NXPH1: variants seen among roughly 807,000 people sequenced by gnomAD.
The protein encoded by NXPH1 is neurexophilin-1.
NXPH1 carries 5 observed loss-of-function variants against 23.7 expected under a neutral mutation model. The ratio of observed to expected loss-of-function variants is 0.21; its 90% confidence interval spans 0.11 to 0.44. The LOEUF (loss-of-function observed/expected upper bound fraction) is 0.44, where lower values mean the gene tolerates loss of function less well. Ranked by LOEUF, NXPH1 falls within the 20% of genes least tolerant of loss-of-function variation. NXPH1 has a pLI of 0.99. For missense variants in NXPH1, 324 were observed against 321.6 expected (o/e 1.01, Z -0.06); for synonymous variants, 144 against 122.2 (o/e 1.18, Z -1.18).
At chr7:8,518,330 T>C (rs762895387) in intron 2 of NXPH1, among the ~76,000 whole-genome samples, 1 of 152,016 alleles carries the variant, frequency 6.6e-6, no homozygotes, top group Non-Finnish European at 1.5e-5. Flanking sequence ...CAAATAAGAG[T>C]AGCATAAATG....
intron 2 of NXPH1, among the ~76,000 whole-genome samples, chr7:8,478,838 A>G (rs1817024820): frequency 6.6e-6 from 1 of 151,612 alleles, no homozygotes; most frequent in Admixed American, 6.6e-5. Context: ...AAATGGAGTA[A>G]CATACTTAAG....
At chr7:8,488,188 C>G (rs1817190099) in intron 2 of NXPH1, among the ~76,000 whole-genome samples, 2 of 152,100 alleles carry the variant, frequency 1.3e-5, no homozygotes, top group African/African-American at 4.8e-5. Context: ...CAGTAGGTAA[C>G]TTTTCTTTTT....
At chr7:8,696,915 G>T (rs147088072) in intron 2 of NXPH1, among the ~76,000 whole-genome samples, 23 of 151,184 alleles carry the variant, frequency 1.5e-4, no homozygotes, top group African/African-American at 5.6e-4. Context: ...AGGCTGAGGT[G>T]GATGGATCAC....
chr7:8,498,516 C>A (rs1366881151), intron 2 of NXPH1, among the ~76,000 whole-genome samples: 4 of 152,054 alleles, frequency 2.6e-5, no homozygotes, highest in African/African-American at 9.7e-5. Flanking sequence ...AATTTGCAAA[C>A]CAGAAGGAAT....
At position 8,435,545 on chromosome 7, in the gene NXPH1, A is replaced by T; in HGVS notation, c.-110-59A>T. On this transcript the variant is annotated intron_variant, in intron 1 of 2. Transcript: ENST00000405863. The surrounding 1 kb of genome is among the most constrained non-coding windows in gnomAD (Gnocchi z 5.9). ...CGCTACGACCCCCTTTCCCCGCTTG[A>T]TTGTCAAGCCTAACCTTGCCCGCGT... 3.5e-6 allele frequency: 2 copies of T among 569,084 alleles called. No homozygotes were observed. Among genetic ancestry groups the T allele is most frequent in the Non-Finnish European group, 6.4e-6 (2 of 313,650 alleles). The allele number at this position is 569,084 out of a possible 1,614,324, so 35.3% of individuals were successfully genotyped here. A position where few individuals can be genotyped will look rare whatever the true frequency, so the allele number is the denominator to read the frequency against.
chr7:8,743,098 A>G (rs1282723003), intron 2 of NXPH1, among the ~76,000 whole-genome samples: 1 of 152,150 alleles, frequency 6.6e-6, no homozygotes, highest in Non-Finnish European at 1.5e-5. Flanking sequence ...GTAACCATAA[A>G]CCACTAAAAT....
chr7:8,682,334 G>A (rs151311147), intron 2 of NXPH1, among the ~76,000 whole-genome samples: 9 of 152,296 alleles, frequency 5.9e-5, no homozygotes, highest in East Asian at 1.9e-4. Flanking sequence ...GTCTTGGGAC[G>A]AGATCAGGAG....
rs140172921 is a variant in NXPH1 at position 8,719,844 on chromosome 7, T to TA, written c.55-31158dup. ...TGATTATTAATGAGTAAAAATAAAATAAAAAATACAATATTATTAACCACT... is the reference window on the plus strand; with the variant it reads ...TGATTATTAATGAGTAAAAATAAAATAAAAAAATACAATATTATTAACCACT... On this transcript the variant is annotated intron_variant, in intron 2 of 2. Transcript: ENST00000405863. Among the ~76,000 whole-genome samples the TA allele has an allele frequency of 9.5e-3, 1,445 of 152,242 alleles. 23 individuals are homozygous for TA. Among genetic ancestry groups the TA allele is most frequent in the African/African-American group, 0.032 (1,322 of 41,550 alleles).
chr7:8,748,610 A>G (rs1314268050), intron 2 of NXPH1, among the ~76,000 whole-genome samples: 1 of 152,186 alleles, frequency 6.6e-6, no homozygotes, highest in Non-Finnish European at 1.5e-5. Context: ...ATCTCTGCAC[A>G]CAATGGCCCT....
chr7:8,482,864 A>G (rs1454352704), intron 2 of NXPH1, among the ~76,000 whole-genome samples: 1 of 152,172 alleles, frequency 6.6e-6, no homozygotes, highest in East Asian at 1.9e-4. Context: ...GGTTAGAAGA[A>G]TTGTCACTCT....
chr7:8,726,299 T>C (rs529332226), intron 2 of NXPH1, among the ~76,000 whole-genome samples: 2 of 152,052 alleles, frequency 1.3e-5, no homozygotes, highest in South Asian at 2.1e-4. Flanking sequence ...TTTTACACTT[T>C]ACTGCAATAA....
chr7:8,557,570 TTTTGATGACAGAATAATTTAC>T (rs1316237026), intron 2 of NXPH1, among the ~76,000 whole-genome samples: 1 of 151,658 alleles, frequency 6.6e-6, no homozygotes, highest in African/African-American at 2.4e-5. Context: ...CCTTTAAGGG[TTTTGATGACAGAATAATTTAC>T]TGTGTGTAAT....
chr7:8,644,786 G>GCACAT (rs2115146534), intron 2 of NXPH1, among the ~76,000 whole-genome samples: 1 of 152,192 alleles, frequency 6.6e-6, no homozygotes, highest in African/African-American at 2.4e-5. Flanking sequence ...TTACAGCCCA[G>GCACAT]CACATCTTCC....
At chr7:8,577,694 C>T (rs1232495173) in intron 2 of NXPH1, among the ~76,000 whole-genome samples, 1 of 152,142 alleles carries the variant, frequency 6.6e-6, no homozygotes. Flanking sequence ...GATACTGTGC[C>T]CTTGTGTAGT....
At chr7:8,582,656 AGG>A (rs1281623604) in intron 2 of NXPH1, among the ~76,000 whole-genome samples, 1 of 152,048 alleles carries the variant, frequency 6.6e-6, no homozygotes, top group South Asian at 2.1e-4. Context: ...GGCTGTGTCT[AGG>A]GGGTTTTTAT....
intron 2 of NXPH1, among the ~76,000 whole-genome samples, chr7:8,728,030 G>T (rs1780086033): frequency 6.7e-6 from 1 of 150,256 alleles, no homozygotes; most frequent in African/African-American, 2.5e-5. Context: ...GTGGTTTGTA[G>T]TTCTCCTTGA....
intron 2 of NXPH1, among the ~76,000 whole-genome samples, chr7:8,556,890 C>T (rs1206003799): frequency 7.9e-5 from 12 of 151,626 alleles, no homozygotes; most frequent in South Asian, 2.1e-4. Context: ...ATTTGATTCT[C>T]ACAACTTATG....
intron 2 of NXPH1, among the ~76,000 whole-genome samples, 193 bp from the exon 3 acceptor site, chr7:8,750,815 A>G (rs17154768): frequency 0.074 from 11,288 of 151,942 alleles, 1,046 homozygotes; most frequent in African/African-American, 0.22. Context: ...TGCTTTTAAA[A>G]CGTAATTATT....
intron 2 of NXPH1, among the ~76,000 whole-genome samples, chr7:8,454,227 T>C (rs1816552889): frequency 2.6e-5 from 4 of 152,100 alleles, no homozygotes. Context: ...ACCCCTGAAA[T>C]TAAAATGAAA....
Sources: allele counts gnomAD v4.1 joint callset (sites outside exome capture counted in the v4.1 genomes callset), GRCh38; gene constraint gnomAD v4.1.1; non-coding constraint Gnocchi (gnomAD v3.1); transcripts MANE v1.5; gene names NCBI Gene and HGNC (gene_info 2026-07-23, HGNC 2026-07-21).